The following PIWIL2 variants were observed in gnomAD, a reference collection of about 807,000 sequenced individuals.
PIWIL2 encodes the protein piwi like RNA-mediated gene silencing 2, also known as piwi-like protein 2.
Under a neutral mutation model 116.5 loss-of-function variants are expected in PIWIL2, and 81 were observed. The ratio of observed to expected loss-of-function variants is 0.70; its 90% confidence interval spans 0.58 to 0.84. The LOEUF (loss-of-function observed/expected upper bound fraction) is 0.84. Among genes scored for constraint, PIWIL2 ranks in the 40% least tolerant of loss-of-function variants. The pLI is 0.00. For missense variants in PIWIL2, 1,272 were observed against 1,212.3 expected, an observed-to-expected ratio of 1.05 and a Z score of -0.73; for synonymous variants, 489 against 429.5, an observed-to-expected ratio of 1.14 and a Z score of -1.71.
At chr8:22,331,325 G>A (rs769697620) in intron 20 of PIWIL2, among the ~76,000 whole-genome samples, 5 of 151,756 alleles carry the variant, frequency 3.3e-5, no homozygotes, top group Non-Finnish European at 7.4e-5. Context: ...GTGAGATCTC[G>A]TCTCTACAAA....
intron 10 of PIWIL2, among the ~76,000 whole-genome samples, chr8:22,290,943 G>T (rs1028554423): frequency 1.3e-5 from 2 of 151,382 alleles, no homozygotes; most frequent in East Asian, 3.9e-4. Context: ...CAATGTATGT[G>T]TTACTGTAGT....
chr8:22,281,317 A>C, intron 3 of PIWIL2, 60 bp from the exon 4 acceptor site: 1 of 1,567,676 alleles, frequency 6.4e-7, no homozygotes, highest in Non-Finnish European at 8.6e-7. Flanking sequence ...AAAAAAAAAA[A>C]CTATACTTTA....
intron 10 of PIWIL2, among the ~76,000 whole-genome samples, chr8:22,302,370 TG>T (rs1163104095): frequency 6.6e-6 from 1 of 151,920 alleles, no homozygotes; most frequent in Admixed American, 6.6e-5. Context: ...TTAGTAGAAA[TG>T]GGTTTCATCA....
chr8:22,300,145 G>A (rs929234175), intron 10 of PIWIL2, among the ~76,000 whole-genome samples: 3 of 151,842 alleles, frequency 2.0e-5, no homozygotes, highest in African/African-American at 7.3e-5. Flanking sequence ...TGCCCAGGCC[G>A]GTCTTGAACT....
At chr8:22,317,698 C>T (rs897699593) in intron 19 of PIWIL2, among the ~76,000 whole-genome samples, 5 of 151,688 alleles carry the variant, frequency 3.3e-5, no homozygotes, top group East Asian at 3.9e-4. Context: ...CTCGCTCTGT[C>T]GCCCAGGCTG....
At chr8:22,322,163 C>T (rs961416847) in intron 20 of PIWIL2, among the ~76,000 whole-genome samples, 4 of 152,038 alleles carry the variant, frequency 2.6e-5, no homozygotes, top group African/African-American at 9.7e-5. Flanking sequence ...TAAATGTTTC[C>T]AAATATTCTT....
chr8:22,345,518 G>A (rs1321581470), intron 20 of PIWIL2, among the ~76,000 whole-genome samples: 2 of 152,122 alleles, frequency 1.3e-5, no homozygotes, highest in Admixed American at 1.3e-4. Context: ...AAAACAATTA[G>A]CTGGGCATGG....
chr8:22,293,935 G>A (rs918988056), intron 10 of PIWIL2, among the ~76,000 whole-genome samples: 1 of 152,140 alleles, frequency 6.6e-6, no homozygotes, highest in Admixed American at 6.5e-5. Context: ...GAATAATTTA[G>A]TGAAAATAAG....
chr8:22,304,557 A>G (rs1487098900), intron 11 of PIWIL2, among the ~76,000 whole-genome samples: 1 of 152,194 alleles, frequency 6.6e-6, no homozygotes, highest in Admixed American at 6.5e-5. Context: ...TGTTTTTAAC[A>G]AAGTCTTTCT....
At chr8:22,352,697 G>T in intron 20 of PIWIL2, 1 of 398,882 alleles carries the variant, frequency 2.5e-6, no homozygotes, top group Non-Finnish European at 4.5e-6. Context: ...TGGATAAGCC[G>T]TATGCATGTG....
chr8:22,309,883 C>T (rs1831283374), intron 14 of PIWIL2, 78 bp from the exon 15 acceptor site: 4 of 799,416 alleles, frequency 5.0e-6, no homozygotes, highest in South Asian at 4.6e-5. Context: ...GCTGAGCAGG[C>T]CTTATAGAGC....
chr8:22,294,906 A>C (rs1182192023), intron 10 of PIWIL2, among the ~76,000 whole-genome samples: 1 of 136,108 alleles, frequency 7.3e-6, no homozygotes, highest in African/African-American at 3.0e-5. Context: ...ACTGGAAAAA[A>C]AAAAAAAAAA....
At chr8:22,324,212 A>G (rs1054261964) in intron 20 of PIWIL2, among the ~76,000 whole-genome samples, 3 of 152,248 alleles carry the variant, frequency 2.0e-5, no homozygotes, top group Admixed American at 2.0e-4. Context: ...TAGTGTGCCA[A>G]GATCACGCCA....
At chr8:22,307,798 T>G in intron 13 of PIWIL2, 135 bp from the exon 14 acceptor site, 1 of 629,484 alleles carries the variant, frequency 1.6e-6, no homozygotes, top group Non-Finnish European at 2.8e-6. Flanking sequence ...ATATATTTAA[T>G]AAGTCCTTGA....
intron 12 of PIWIL2, 47 bp downstream of exon 12, chr8:22,304,915 C>G (rs1171228234): frequency 7.9e-7 from 1 of 1,265,576 alleles, no homozygotes; most frequent in Non-Finnish European, 1.2e-6. Flanking sequence ...GTTCTTCATC[C>G]TGTCAGCTGC....
rs377204368 is a variant in PIWIL2, at chr8:22,282,337, C to T, written c.426-697C>T. Among the ~76,000 whole-genome samples the T allele has an allele frequency of 1.6e-4, 24 of 149,200 alleles. No homozygotes were observed. In the South Asian group the frequency reaches 4.3e-3, roughly 27 times the overall value. On this transcript the variant is annotated intron_variant, in intron 4 of 22. Coordinates refer to ENST00000356766, the MANE Select transcript of PIWIL2 (RefSeq NM_018068.5). ...CACGATCTTGGCTCACTGCAACCTC[C>T]GCCTCACACCCAGCTAATTTTTGTA...
chr8:22,278,282 A>G (rs1361175867), intron 1 of PIWIL2, among the ~76,000 whole-genome samples: 1 of 152,190 alleles, frequency 6.6e-6, no homozygotes, highest in African/African-American at 2.4e-5. Flanking sequence ...GCATTTTGGG[A>G]TGCTGAGGCA....
chr8:22,304,004 T>A lies in PIWIL2; in HGVS notation c.1182-17T>A. 6.3e-7 allele frequency: 1 copy of A among 1,586,082 alleles called. No individual in the cohort carries two copies. Among genetic ancestry groups the A allele is most frequent in the African/African-American group, 1.3e-5 (1 of 74,348 alleles). On this transcript the variant is annotated splice_polypyrimidine_tract_variant and intron_variant, in intron 10 of 22. Transcript: ENST00000356766. ...GATATATACTGTGATCCAAAAGTCTTTTATCTCTTTCCAAAGGCATGCCAT... is the reference window on the plus strand; with the variant it reads ...GATATATACTGTGATCCAAAAGTCTATTATCTCTTTCCAAAGGCATGCCAT...
chr8:22,292,385 G>A (rs1336276933), intron 10 of PIWIL2, among the ~76,000 whole-genome samples: 1 of 152,234 alleles, frequency 6.6e-6, no homozygotes, highest in Non-Finnish European at 1.5e-5. Flanking sequence ...GAGCCATGAG[G>A]ATGGTAGCGA....
Sources: gnomAD v4.1 joint callset for allele counts (sites outside exome capture counted in the v4.1 genomes callset) on GRCh38, gnomAD v4.1.1 for gene constraint, MANE v1.5 for transcripts, NCBI Gene and HGNC (gene_info 2026-07-23, HGNC 2026-07-21) for gene names.